Variants in VPS26C observed in about 807,000 individuals in gnomAD.
VPS26C encodes vacuolar protein sorting-associated protein 26C.
A neutral mutation model predicts 30.6 loss-of-function variants in VPS26C; 19 were observed. The ratio of observed to expected loss-of-function variants is 0.62; its 90% CI spans 0.43 to 0.91. The LOEUF (loss-of-function observed/expected upper bound fraction) is 0.91. VPS26C is among the 40% of genes least tolerant of loss of function. The pLI is 0.00. For missense variants in VPS26C, 318 were observed against 385.1 expected (o/e 0.83, Z 1.46); for synonymous variants, 132 against 151.5 (o/e 0.87, Z 0.95).
intron 2 of VPS26C, among the ~76,000 whole-genome samples, chr21:37,238,978 AC>A (rs775838784): frequency 6.6e-6 from 1 of 152,020 alleles, no homozygotes; most frequent in Non-Finnish European, 1.5e-5. Flanking sequence ...GTGTGAACCC[AC>A]GGCTCCCCCT....
At chr21:37,249,529 C>G (rs1408353584) in intron 1 of VPS26C, among the ~76,000 whole-genome samples, 2 of 152,202 alleles carry the variant, frequency 1.3e-5, no homozygotes, top group East Asian at 3.8e-4. Context: ...GATGACAAAA[C>G]TTAAAACATG....
rs747562273 is a variant in VPS26C at position 37,228,257 on chromosome 21, G to A, written c.624C>T (p.Ser208=). The change falls in exon 6 of 8, where the codon AGC becomes AGT. Residue 208 remains serine, a synonymous_variant. Transcript: ENST00000309117. ...CCACGCGCACCAGCTGCAGCTCCAC[G>A]CTTCTGATGGCGGCTTCCGAGCTCT... ...VVESSEAAIR[S]VELQLVRVET... 2.5e-6 allele frequency: 4 copies of A among 1,611,830 alleles called. No individual in the cohort carries two copies. Among genetic ancestry groups the A allele is most frequent in the Non-Finnish European group, 3.4e-6 (4 of 1,179,352 alleles).
At chr21:37,243,347 G>A (rs563537525) in intron 1 of VPS26C, among the ~76,000 whole-genome samples, 24 of 152,276 alleles carry the variant, frequency 1.6e-4, no homozygotes, top group Middle Eastern at 3.4e-3. Context: ...CACCGAAATC[G>A]TGTGCAGGGT....
intron 1 of VPS26C, among the ~76,000 whole-genome samples, chr21:37,256,668 C>T (rs995219446): frequency 6.6e-6 from 1 of 152,184 alleles, no homozygotes; most frequent in African/African-American, 2.4e-5. Context: ...CTCTCTATTA[C>T]AGAGAGTAAA....
intron 1 of VPS26C, among the ~76,000 whole-genome samples, chr21:37,246,757 A>C (rs1298143790): frequency 1.3e-5 from 2 of 152,304 alleles, no homozygotes; most frequent in Middle Eastern, 3.4e-3. Context: ...TGTATTATTC[A>C]AACCATACTT....
upstream of VPS26C, chr21:37,267,679 G>A (rs999861436): frequency 1.4e-5 from 4 of 288,912 alleles, no homozygotes; most frequent in Non-Finnish European, 2.6e-5. Context: ...TGGAGGCGGA[G>A]CCGAGCCTGT....
At chr21:37,228,640 C>G (rs1400081218) in intron 5 of VPS26C, 4 of 345,146 alleles carry the variant, frequency 1.2e-5, no homozygotes, top group Non-Finnish European at 2.2e-5. Context: ...TGCCTAGTCT[C>G]AGAGCTAGAA....
chr21:37,251,960 C>T (rs2086197984), intron 1 of VPS26C, among the ~76,000 whole-genome samples: 1 of 152,154 alleles, frequency 6.6e-6, no homozygotes, highest in South Asian at 2.1e-4. Context: ...TTTTCCTTTC[C>T]AATGGTCCTG....
rs749170688 is a variant in VPS26C, at chr21:37,238,533, A to G, written c.278T>C (p.Phe93Ser). 6.2e-7 allele frequency: 1 copy of G among 1,614,220 alleles called. No homozygotes were observed. The highest frequency in any genetic ancestry group is 1.1e-5 in the South Asian group (1 of 91,084). The stretch of plus-strand genomic sequence containing the variant: ...ACCCTTCAAGTGCAGAGGAAATTCA[A>G]AAGGGATTTCTGTTTTGCCGCTGGG... Reference protein sequence around the residue: ...KFPSGKTEIPFEFPLHLKGNK... With the variant: ...KFPSGKTEIPSEFPLHLKGNK... The change falls in exon 3 of 8, where the codon TTT (phenylalanine) becomes TCT (serine). Residue 93 changes from phenylalanine to serine, a missense_variant. Coordinates refer to ENST00000309117, the MANE Select transcript of VPS26C (RefSeq NM_006052.2).
At chr21:37,264,015 G>A (rs541264680) in intron 1 of VPS26C, among the ~76,000 whole-genome samples, 1 of 152,292 alleles carries the variant, frequency 6.6e-6, no homozygotes, top group African/African-American at 2.4e-5. Context: ...CCTGCTACGT[G>A]AGGCTTGGAA....
At chr21:37,244,934 G>A (rs1232189766) in intron 1 of VPS26C, among the ~76,000 whole-genome samples, 1 of 152,204 alleles carries the variant, frequency 6.6e-6, no homozygotes, top group Non-Finnish European at 1.5e-5. Flanking sequence ...GAAGCAGTCG[G>A]TCTCTGCAGT....
chr21:37,267,554 C>A (rs1366382894), upstream of VPS26C: 3 of 550,342 alleles, frequency 5.5e-6, no homozygotes, highest in East Asian at 9.8e-5. Context: ...GCGTGAAAGA[C>A]GGGGCCAAGC....
At position 37,257,682 on chromosome 21, in the gene VPS26C, T is replaced by A. The variant is rs1009726859; in HGVS notation, c.57+9556A>T. ...TTCCCCTTCCAGCTTTTCACAACCC[T>A]GCCTTGCTCATGGTCAGCCCCAAGC... On this transcript the variant is annotated intron_variant, in intron 1 of 7. Transcript: ENST00000309117. This position sits in a 1 kb window ranked among gnomAD's most constrained non-coding sequence, Gnocchi z 4.2. 1.1e-4 allele frequency among the ~76,000 whole-genome samples: 16 copies of A among 151,910 alleles called. No homozygotes were observed. Among genetic ancestry groups the A allele is most frequent in the Non-Finnish European group, 1.8e-4 (12 of 67,992 alleles).
intron 6 of VPS26C, 31 bp downstream of exon 6, chr21:37,228,192 C>G (rs941807370): frequency 4.6e-5 from 74 of 1,601,786 alleles, no homozygotes; most frequent in Non-Finnish European, 6.1e-5. Context: ...GGGGGACAGG[C>G]AAGCGCCAGG....
Position 37,232,385 on chromosome 21 carries a change from C to T in VPS26C, c.499G>A (p.Val167Ile), listed in dbSNP as rs150360739. 4.9e-5 allele frequency: 79 copies of T among 1,613,892 alleles called. No individual in the cohort carries two copies. The highest frequency in any genetic ancestry group is 8.8e-5 in the South Asian group (8 of 91,070). Residue 167 changes from valine (V) to isoleucine (I), a missense_variant, in exon 5 of 8, where the codon GTC becomes ATC. Coordinates refer to ENST00000309117, the MANE Select transcript of VPS26C (RefSeq NM_006052.2). ...TGTGCAGGACGTCTTACCTCTTTGACGTTCTGTAAGGTTTCAGGTGTAATC... is the reference window on the plus strand; with the variant it reads ...TGTGCAGGACGTCTTACCTCTTTGATGTTCTGTAAGGTTTCAGGTGTAATC... ...FTITPETLQN[V>I]KERALLPKFL...
At chr21:37,246,568 T>C (rs184496695) in intron 1 of VPS26C, among the ~76,000 whole-genome samples, 2 of 152,308 alleles carry the variant, frequency 1.3e-5, no homozygotes, top group East Asian at 1.9e-4. Context: ...ATTAACTCCA[T>C]TTAATTGTAA....
In VPS26C at chr21:37,223,723, C is replaced by G. The variant is rs746980668; in HGVS notation, c.*1821G>C. The G allele has an allele frequency of 1.3e-5, 2 of 152,184 alleles. No individual in the cohort carries two copies. The highest frequency in any genetic ancestry group is 6.5e-5 in the Admixed American group (1 of 15,270). 9.4% of individuals were successfully genotyped at this position (152,184 alleles called of 1,614,324 possible). A position where few individuals can be genotyped will look rare whatever the true frequency, so the allele number is the denominator to read the frequency against. On this transcript the variant is annotated 3_prime_UTR_variant, in exon 8 of 8. Coordinates refer to ENST00000309117, the MANE Select transcript of VPS26C (RefSeq NM_006052.2). Reference sequence around the variant, plus strand: ...GTTTTATTAATTTCATGGGTGAAGCCCCTGGATAAAGCAGTGCCTAAATCA... The same window carrying G: ...GTTTTATTAATTTCATGGGTGAAGCGCCTGGATAAAGCAGTGCCTAAATCA...
chr21:37,258,304 G>GCA (rs2086266762), intron 1 of VPS26C, among the ~76,000 whole-genome samples: 1 of 152,118 alleles, frequency 6.6e-6, no homozygotes, highest in African/African-American at 2.4e-5. Flanking sequence ...CAGAGACTGC[G>GCA]CACACAAAGC....
chr21:37,240,584 C>T lies in VPS26C; in HGVS notation c.113G>A (p.Gly38Glu). The T allele has an allele frequency of 1.9e-6, 3 of 1,614,222 alleles. No homozygotes were observed. Among genetic ancestry groups the T allele is most frequent in the South Asian group, 1.1e-5 (1 of 91,088 alleles). The change falls in exon 2 of 8, where the codon GGA (glycine) becomes GAA (glutamate). Residue 38 changes from glycine to glutamate, a missense_variant. Physicochemically the swap from Gly to Glu is moderately conservative, Grantham distance 98. Coordinates refer to ENST00000309117, the MANE Select transcript of VPS26C (RefSeq NM_006052.2). ...ISSKDSVQHQ[G>E]VSLTMEGTVN... is the part of the protein sequence containing the mutation. ...AGTTCCTTCCATGGTCAAAGACACT[C>T]CCTGGTGTTGGACTGAATCCTTACT...
Sources: allele counts gnomAD v4.1 joint callset (sites outside exome capture counted in the v4.1 genomes callset), GRCh38; gene constraint gnomAD v4.1.1; non-coding constraint Gnocchi (gnomAD v3.1); transcripts MANE v1.5; gene names NCBI Gene and HGNC (gene_info 2026-07-23, HGNC 2026-07-21).